Variants in SIPA1L1 observed in about 807,000 individuals in gnomAD.
SIPA1L1 encodes signal induced proliferation associated 1 like 1, also known as signal-induced proliferation-associated 1-like protein 1.
SIPA1L1 carries 26 observed loss-of-function variants against 162.7 expected under a neutral mutation model. The observed-to-expected ratio is 0.16, with a 90% CI of 0.12 to 0.22. The LOEUF (loss-of-function observed/expected upper bound fraction) is 0.22. Among genes scored for constraint, SIPA1L1 ranks in the 10% least tolerant of loss-of-function variants. The pLI, the probability that SIPA1L1 is intolerant of heterozygous loss-of-function variation, is 1.00. For missense variants in SIPA1L1, 1,874 were observed against 2,241.0 expected, an observed-to-expected ratio of 0.84 and a Z score of 3.31; for synonymous variants, 829 against 837.4, an observed-to-expected ratio of 0.99 and a Z score of 0.17.
intron 5 of SIPA1L1, chr14:71,598,458 G>T (rs757192979): frequency 2.7e-4 from 42 of 153,316 alleles, no homozygotes; most frequent in Non-Finnish European, 5.2e-4. Flanking sequence ...GCACTGAGAA[G>T]GACACATCAT....
intron 2 of SIPA1L1, among the ~76,000 whole-genome samples, chr14:71,397,839 C>G (rs2041333037): frequency 6.6e-6 from 1 of 152,078 alleles, no homozygotes; most frequent in Non-Finnish European, 1.5e-5. Context: ...ACTATTTCAT[C>G]TTGTTTGTAC....
At chr14:71,623,827 C>A (rs2039696000) in intron 6 of SIPA1L1, among the ~76,000 whole-genome samples, 1 of 152,128 alleles carries the variant, frequency 6.6e-6, no homozygotes, top group East Asian at 1.9e-4. Context: ...TGATTATGTG[C>A]TCCTTTGGAC....
At chr14:71,664,139 G>T (rs1197541315) in intron 10 of SIPA1L1, among the ~76,000 whole-genome samples, 1 of 152,078 alleles carries the variant, frequency 6.6e-6, no homozygotes, top group African/African-American at 2.4e-5. Flanking sequence ...ATTTTCTCAT[G>T]AAAATAAATG....
At chr14:71,728,357 T>C (rs1439924654) in intron 19 of SIPA1L1, among the ~76,000 whole-genome samples, 2 of 152,258 alleles carry the variant, frequency 1.3e-5, no homozygotes, top group African/African-American at 4.8e-5. Context: ...TTCCAAGTTC[T>C]CTCTCTCAAA....
chr14:71,562,038 G>A (rs1422001266), intron 4 of SIPA1L1, among the ~76,000 whole-genome samples: 5 of 151,816 alleles, frequency 3.3e-5, no homozygotes, highest in Admixed American at 1.3e-4. Flanking sequence ...AGCCATAGAC[G>A]TCACCTCACA....
chr14:71,636,053 G>C (rs534947112), intron 7 of SIPA1L1, among the ~76,000 whole-genome samples: 11 of 152,162 alleles, frequency 7.2e-5, no homozygotes, highest in African/African-American at 2.7e-4. Flanking sequence ...AGCTGTAAAT[G>C]TGAAGGAAAA....
chr14:71,550,051 G>T (rs781044439), intron 4 of SIPA1L1, among the ~76,000 whole-genome samples: 15 of 152,106 alleles, frequency 9.9e-5, no homozygotes, highest in Non-Finnish European at 1.6e-4. Context: ...TTGAAGCCAA[G>T]ACTTGGAAAC....
intron 4 of SIPA1L1, among the ~76,000 whole-genome samples, chr14:71,549,263 C>T (rs1015506517): frequency 2.0e-5 from 3 of 151,970 alleles, no homozygotes; most frequent in African/African-American, 7.3e-5. Flanking sequence ...TTGCCTGTCT[C>T]TGGAATTCTA....
intron 4 of SIPA1L1, among the ~76,000 whole-genome samples, chr14:71,538,615 G>C (rs1046538229): frequency 6.6e-6 from 1 of 152,140 alleles, no homozygotes; most frequent in Non-Finnish European, 1.5e-5. Context: ...TTGTAATAGC[G>C]GCAGGGTCAT....
At chr14:71,527,382 T>A (rs896053866) in intron 3 of SIPA1L1, among the ~76,000 whole-genome samples, 1 of 152,024 alleles carries the variant, frequency 6.6e-6, no homozygotes, top group Non-Finnish European at 1.5e-5. Context: ...ATTTTTTAAT[T>A]TTTTTGTAGT....
At chr14:71,411,657 C>T (rs1352338956) in intron 2 of SIPA1L1, among the ~76,000 whole-genome samples, 3 of 152,344 alleles carry the variant, frequency 2.0e-5, no homozygotes, top group Non-Finnish European at 4.4e-5. Flanking sequence ...GTGGGAGCTC[C>T]CGACTGGAGT....
At chr14:71,368,142 CT>C (rs755238643) in intron 2 of SIPA1L1, among the ~76,000 whole-genome samples, 1,203 of 115,142 alleles carry the variant, frequency 0.01, 11 homozygotes, top group South Asian at 0.02. Flanking sequence ...TTGTGGTATT[CT>C]TTTTTTTTTT....
chr14:71,635,866 G>T (rs2041093310), intron 7 of SIPA1L1, among the ~76,000 whole-genome samples: 1 of 152,070 alleles, frequency 6.6e-6, no homozygotes, highest in Non-Finnish European at 1.5e-5. Context: ...TGAAAGGAAA[G>T]AATGGAAAAA....
intron 5 of SIPA1L1, among the ~76,000 whole-genome samples, chr14:71,599,011 A>G (rs2036390951): frequency 6.6e-6 from 1 of 152,064 alleles, no homozygotes; most frequent in Non-Finnish European, 1.5e-5. Context: ...CTCTACCTCC[A>G]TGAAATCAAG....
chr14:71,450,705 T>C (rs1367669249), intron 2 of SIPA1L1, among the ~76,000 whole-genome samples: 3 of 152,132 alleles, frequency 2.0e-5, no homozygotes, highest in East Asian at 1.9e-4. Flanking sequence ...ATGGCTGTTA[T>C]TAAAACCTGT....
chr14:71,723,533 TTCA>T (rs2083938530), intron 17 of SIPA1L1, 111 bp from the exon 18 acceptor site: 4 of 1,191,494 alleles, frequency 3.4e-6, no homozygotes, highest in Non-Finnish European at 4.8e-6. Flanking sequence ...CTGTTAATAG[TTCA>T]TGAAAAATTC....
intron 2 of SIPA1L1, among the ~76,000 whole-genome samples, chr14:71,470,639 A>G (rs180998333): frequency 1.4e-3 from 210 of 152,248 alleles, no homozygotes; most frequent in Non-Finnish European, 2.5e-3. Flanking sequence ...CTGGGTTCTC[A>G]TCATCTGGGG....
At chr14:71,535,778 A>AT (rs1001600609) in intron 4 of SIPA1L1, among the ~76,000 whole-genome samples, 42 of 147,364 alleles carry the variant, frequency 2.9e-4, no homozygotes, top group African/African-American at 6.7e-4. Flanking sequence ...CACCCAGCTA[A>AT]TTTTTTTTTT....
intron 2 of SIPA1L1, among the ~76,000 whole-genome samples, chr14:71,445,550 C>G (rs2045279044): frequency 6.6e-6 from 1 of 152,126 alleles, no homozygotes; most frequent in East Asian, 1.9e-4. Flanking sequence ...TGGATAATCT[C>G]TCTCAAATCG....
Sources: allele counts gnomAD v4.1 joint callset (sites outside exome capture counted in the v4.1 genomes callset), GRCh38; gene constraint gnomAD v4.1.1; transcripts MANE v1.5; gene names NCBI Gene and HGNC (gene_info 2026-07-23, HGNC 2026-07-21).